Variants in SLC9A9 observed in about 807,000 individuals in gnomAD.
SLC9A9 encodes solute carrier family 9 member A9, also known as sodium/hydrogen exchanger 9.
A neutral mutation model predicts 77.8 loss-of-function variants in SLC9A9; 62 were observed. The ratio of observed to expected loss-of-function variants is 0.80; its 90% CI spans 0.65 to 0.98. The LOEUF is 0.98. Among genes scored for constraint, SLC9A9 ranks in the 50% least tolerant of loss-of-function variants. The pLI is 0.00. For synonymous variants in SLC9A9, 320 were observed against 283.5 expected, an observed-to-expected ratio of 1.13 and a Z score of -1.29; for missense variants, 775 against 774.9, an observed-to-expected ratio of 1.00 and a Z score of 0.00.
At chr3:143,331,763 A>G (rs527405573) in intron 14 of SLC9A9, among the ~76,000 whole-genome samples, 5 of 152,338 alleles carry the variant, frequency 3.3e-5, no homozygotes, top group African/African-American at 9.6e-5. Context: ...CTGAGCATCA[A>G]TGATGTGCAT....
At chr3:143,300,404 C>A (rs2030471474) in intron 14 of SLC9A9, among the ~76,000 whole-genome samples, 1 of 152,200 alleles carries the variant, frequency 6.6e-6, no homozygotes, top group Non-Finnish European at 1.5e-5. Flanking sequence ...TTGGAAGAAG[C>A]AGATAAACCT....
chr3:143,640,019 C>CTTT (rs10575577), intron 6 of SLC9A9, among the ~76,000 whole-genome samples: 9 of 124,146 alleles, frequency 7.2e-5, no homozygotes, highest in African/African-American at 9.2e-5. Flanking sequence ...CTTTTTTTTT[C>CTTT]TTTTTTTTTT....
intron 12 of SLC9A9, among the ~76,000 whole-genome samples, chr3:143,443,565 C>T (rs2034789008): frequency 6.6e-6 from 1 of 152,128 alleles, no homozygotes; most frequent in Non-Finnish European, 1.5e-5. Flanking sequence ...TTTAAATGAG[C>T]ATTTTTAATT....
chr3:143,758,452 T>A (rs1449402527), intron 4 of SLC9A9, among the ~76,000 whole-genome samples: 1 of 152,174 alleles, frequency 6.6e-6, no homozygotes, highest in Admixed American at 6.6e-5. Context: ...TAGGACTTAA[T>A]GGCTGTAGAC....
chr3:143,746,670 C>CT (rs905307586), intron 4 of SLC9A9, among the ~76,000 whole-genome samples: 7 of 151,308 alleles, frequency 4.6e-5, no homozygotes, highest in Non-Finnish European at 8.9e-5. Context: ...ATACATTTAC[C>CT]TTTTTTTTTA....
intron 9 of SLC9A9, among the ~76,000 whole-genome samples, chr3:143,514,095 G>A (rs963821127): frequency 6.6e-5 from 10 of 152,024 alleles, no homozygotes; most frequent in South Asian, 2.1e-4. Context: ...AACATGCGGC[G>A]TTTGGTTTTT....
intron 6 of SLC9A9, among the ~76,000 whole-genome samples, chr3:143,612,855 C>A (rs1576610239): frequency 6.6e-6 from 1 of 152,244 alleles, no homozygotes; most frequent in Non-Finnish European, 1.5e-5. Context: ...ATCTCAATAG[C>A]AACTTGCTTA....
intron 9 of SLC9A9, among the ~76,000 whole-genome samples, chr3:143,525,781 A>G (rs988421620): frequency 3.3e-5 from 5 of 152,230 alleles, no homozygotes; most frequent in Admixed American, 6.5e-5. Flanking sequence ...GTGAGAGAAG[A>G]AAAGTAAATG....
At chr3:143,751,468 T>C (rs1029766035) in intron 4 of SLC9A9, among the ~76,000 whole-genome samples, 7 of 152,160 alleles carry the variant, frequency 4.6e-5, no homozygotes, top group Admixed American at 6.5e-5. Context: ...AGACATCCGA[T>C]GCTATAAACA....
chr3:143,771,953 G>T (rs547371592), intron 4 of SLC9A9, among the ~76,000 whole-genome samples: 2 of 152,126 alleles, frequency 1.3e-5, no homozygotes, highest in Admixed American at 6.5e-5. Context: ...AAATGCTCAG[G>T]ACGGTCAGAG....
rs563146365 is a variant in SLC9A9 at position 143,676,831 on chromosome 3, T to A, written c.649+16361A>T. ...ATGACTCCATTGAACCTCTCTGCCA[T>A]TTAAGAATGTGAAAGATCCTAGACT... On this transcript the variant is annotated intron_variant, in intron 5 of 15. Transcript: ENST00000316549. 4.0e-4 allele frequency among the ~76,000 whole-genome samples: 61 copies of A among 152,254 alleles called. 1 individual carries two copies. The South Asian group carries it at 0.013, about 32-fold the overall frequency.
At chr3:143,348,032 T>TTC (rs566251082) in intron 14 of SLC9A9, among the ~76,000 whole-genome samples, 4,277 of 151,658 alleles carry the variant, frequency 0.028, 77 homozygotes, top group South Asian at 0.071. Context: ...TTTTTTTTTT[T>TTC]TAGAGGGAAT....
chr3:143,383,803 C>T (rs2033357542), intron 12 of SLC9A9, among the ~76,000 whole-genome samples: 1 of 152,182 alleles, frequency 6.6e-6, no homozygotes, highest in Admixed American at 6.5e-5. Flanking sequence ...TCATAAACAC[C>T]TCCCTAATTA....
At chr3:143,714,197 C>A (rs970598176) in intron 4 of SLC9A9, among the ~76,000 whole-genome samples, 6 of 152,172 alleles carry the variant, frequency 3.9e-5, no homozygotes, top group Non-Finnish European at 4.4e-5. Flanking sequence ...CTAGCAGCCT[C>A]TCTATCACAT....
At chr3:143,706,065 C>T (rs1933965460) in intron 4 of SLC9A9, among the ~76,000 whole-genome samples, 1 of 152,178 alleles carries the variant, frequency 6.6e-6, no homozygotes, top group Non-Finnish European at 1.5e-5. Context: ...AAAATACAGC[C>T]AGGTGAGGAG....
chr3:143,675,681 C>T (rs554737423), intron 5 of SLC9A9, among the ~76,000 whole-genome samples: 1 of 152,238 alleles, frequency 6.6e-6, no homozygotes, highest in Non-Finnish European at 1.5e-5. Context: ...AAGATTTTCT[C>T]ATTATACTTC....
At chr3:143,279,585 C>T (rs889916539) in intron 14 of SLC9A9, among the ~76,000 whole-genome samples, 4 of 152,082 alleles carry the variant, frequency 2.6e-5, no homozygotes, top group Non-Finnish European at 4.4e-5. Context: ...ACTCAACGGG[C>T]CCCAGTGTGT....
chr3:143,486,010 GA>G (rs1176916352), intron 11 of SLC9A9, among the ~76,000 whole-genome samples: 1 of 152,048 alleles, frequency 6.6e-6, no homozygotes, highest in Admixed American at 6.6e-5. Flanking sequence ...AGTTTTTAAA[GA>G]ATGTTGAAAG....
At position 143,382,111 on chromosome 3, in the gene SLC9A9, A is replaced by C. The variant is rs1559890970; in HGVS notation, c.1473T>G (p.Val491=). 1 of 1,614,116 alleles carries C rather than the reference A, an allele frequency of 6.2e-7. No individual in the cohort carries two copies. The highest frequency in any genetic ancestry group is 8.5e-7 in the Non-Finnish European group (1 of 1,179,970). ...TPMLTWLQIR[V]GVDLDENLKE... ...TCAGATTTTCATCCAGGTCCACGCC[A>C]ACTCTGTTAAACAAAACCAAAAACT... The change falls in exon 13 of 16, where the codon GTT becomes GTG. Residue 491 remains valine, a synonymous_variant. Transcript: ENST00000316549.
Sources: allele counts gnomAD v4.1 joint callset (sites outside exome capture counted in the v4.1 genomes callset), GRCh38; gene constraint gnomAD v4.1.1; transcripts MANE v1.5; gene names NCBI Gene and HGNC (gene_info 2026-07-23, HGNC 2026-07-21).